Variants in EGFLAM observed in about 807,000 individuals in gnomAD.
EGFLAM encodes EGF like, fibronectin type III and laminin G domains, also known as pikachurin.
In EGFLAM, 79 loss-of-function variants were observed where a neutral mutation model predicts 113.1. The ratio of observed to expected loss-of-function variants is 0.70; its 90% CI spans 0.58 to 0.84. The LOEUF (loss-of-function observed/expected upper bound fraction) is 0.84, where lower values mean the gene tolerates loss of function less well. Among genes scored for constraint, EGFLAM ranks in the 40% least tolerant of loss-of-function variants. The pLI, the probability that EGFLAM is intolerant of heterozygous loss-of-function variation, is 0.00. For missense variants in EGFLAM, 1,265 were observed against 1,291.6 expected, an observed-to-expected ratio of 0.98 and a Z score of 0.32; for synonymous variants, 504 against 487.6, an observed-to-expected ratio of 1.03 and a Z score of -0.44.
At chr5:38,416,323 G>A (rs1158498014) in intron 11 of EGFLAM, among the ~76,000 whole-genome samples, 2 of 152,320 alleles carry the variant, frequency 1.3e-5, no homozygotes, top group African/African-American at 2.4e-5. Flanking sequence ...AGACGGACAG[G>A]GAAGAAGAGG....
chr5:38,399,277 G>GTTTTTTTTTTTTTT (rs797021726), intron 6 of EGFLAM, among the ~76,000 whole-genome samples: 6 of 118,482 alleles, frequency 5.1e-5, no homozygotes, highest in Non-Finnish European at 7.0e-5. Context: ...TTTTGTTTTC[G>GTTTTTTTTTTTTTT]TTTTTTTTTT....
chr5:38,410,490 C>A (rs1741443168), intron 10 of EGFLAM, among the ~76,000 whole-genome samples: 2 of 152,132 alleles, frequency 1.3e-5, no homozygotes, highest in Admixed American at 6.5e-5. Flanking sequence ...CTGAGGATCT[C>A]GAGACAAAGG....
chr5:38,426,008 C>G lies in EGFLAM; in HGVS notation c.1810+916C>G, dbSNP rs370264848. On this transcript the variant is annotated intron_variant, in intron 13 of 21. Transcript: ENST00000322350. ...ATCCCAGCTACTCGGGAGGCTGAGGCAGGAGAATTGCTTGAACCCAGGAGG... is the reference window on the plus strand; with the variant it reads ...ATCCCAGCTACTCGGGAGGCTGAGGGAGGAGAATTGCTTGAACCCAGGAGG... 2.0e-5 allele frequency among the ~76,000 whole-genome samples: 3 copies of G among 151,498 alleles called. No individual in the cohort carries two copies. The East Asian group carries it at 5.8e-4, about 29-fold the overall frequency.
intron 19 of EGFLAM, among the ~76,000 whole-genome samples, chr5:38,457,527 G>C (rs1743129763): frequency 6.6e-6 from 1 of 152,062 alleles, no homozygotes; most frequent in African/African-American, 2.4e-5. Flanking sequence ...TGTGTCTCTG[G>C]CTCCATGTCC....
intron 6 of EGFLAM, among the ~76,000 whole-genome samples, chr5:38,388,351 G>T (rs1383702033): frequency 6.6e-6 from 1 of 152,132 alleles, no homozygotes; most frequent in African/African-American, 2.4e-5. Flanking sequence ...CAGGTGTGGT[G>T]GCTCACACCT....
chr5:38,341,748 G>A (rs934583843), intron 3 of EGFLAM, among the ~76,000 whole-genome samples: 1 of 152,174 alleles, frequency 6.6e-6, no homozygotes, highest in African/African-American at 2.4e-5. Flanking sequence ...AAATGAAGAT[G>A]TGAGTTATAA....
intron 19 of EGFLAM, among the ~76,000 whole-genome samples, chr5:38,452,351 A>G (rs1382914550): frequency 6.6e-6 from 1 of 152,056 alleles, no homozygotes; most frequent in Non-Finnish European, 1.5e-5. Flanking sequence ...TCATTTATAT[A>G]TTGCCTGTGG....
chr5:38,360,103 T>A (rs1464422014), intron 5 of EGFLAM, among the ~76,000 whole-genome samples: 1 of 152,220 alleles, frequency 6.6e-6, no homozygotes, highest in African/African-American at 2.4e-5. Flanking sequence ...GGAACTTAAT[T>A]AGTTTCCTCA....
chr5:38,424,920 C>A, intron 12 of EGFLAM, 47 bp from the exon 13 acceptor site: 1 of 1,605,320 alleles, frequency 6.2e-7, no homozygotes, highest in East Asian at 2.2e-5. Flanking sequence ...CTGTGTTGGA[C>A]TGGCACACAT....
At chr5:38,448,194 G>C (rs1300436544) in intron 17 of EGFLAM, 107 bp from the exon 18 acceptor site, 2 of 1,232,232 alleles carry the variant, frequency 1.6e-6, no homozygotes, top group African/African-American at 1.5e-5. Context: ...CTGATGAATT[G>C]TTAAACATCC....
chr5:38,273,115 G>T (rs1277716726), intron 1 of EGFLAM, among the ~76,000 whole-genome samples: 1 of 152,104 alleles, frequency 6.6e-6, no homozygotes, highest in Non-Finnish European at 1.5e-5. Context: ...AGGTAGGAAG[G>T]ATAGTTATAC....
intron 6 of EGFLAM, chr5:38,399,872 C>T (rs1434184410): frequency 6.6e-6 from 1 of 152,220 alleles, no homozygotes; most frequent in Non-Finnish European, 1.5e-5. Context: ...TACAGGAGAA[C>T]ACAATGCTAC....
At chr5:38,260,124 T>A (rs559973396) in intron 1 of EGFLAM, among the ~76,000 whole-genome samples, 1 of 152,322 alleles carries the variant, frequency 6.6e-6, no homozygotes, top group South Asian at 2.1e-4. Context: ...ATAGCTTCAG[T>A]CCAAGGTAAT....
chr5:38,316,286 G>A (rs552948889), intron 1 of EGFLAM, among the ~76,000 whole-genome samples: 5 of 152,168 alleles, frequency 3.3e-5, no homozygotes, highest in South Asian at 2.1e-4. Flanking sequence ...TCTTTGGAGT[G>A]TGATTCTTCA....
In EGFLAM at chr5:38,349,037, A is replaced by G. The variant is rs188785658; in HGVS notation, c.292-1464A>G. On this transcript the variant is annotated intron_variant, in intron 3 of 21. Coordinates refer to ENST00000322350, the MANE Select transcript of EGFLAM (RefSeq NM_152403.4). ...TCTAATGTGTAATCAGGGTTTGAGA[A>G]CTACTGTATTAAGTATTCATTAATT... 8.8e-4 allele frequency among the ~76,000 whole-genome samples: 134 copies of G among 152,282 alleles called. No homozygotes were observed. In the Middle Eastern group the frequency reaches 0.01, roughly 12 times the overall value.
At chr5:38,456,668 T>C (rs1298842050) in intron 19 of EGFLAM, among the ~76,000 whole-genome samples, 3 of 152,228 alleles carry the variant, frequency 2.0e-5, no homozygotes, top group East Asian at 1.9e-4. Flanking sequence ...GAATGATCTA[T>C]GGTGCTTTCT....
intron 1 of EGFLAM, among the ~76,000 whole-genome samples, chr5:38,266,611 A>G (rs1237256448): frequency 6.6e-6 from 1 of 152,198 alleles, no homozygotes; most frequent in Non-Finnish European, 1.5e-5. Flanking sequence ...GTTACATGTG[A>G]TGTAACTTGT....
intron 1 of EGFLAM, among the ~76,000 whole-genome samples, chr5:38,299,924 A>G (rs1758536516): frequency 1.3e-5 from 2 of 152,200 alleles, no homozygotes; most frequent in South Asian, 2.1e-4. Flanking sequence ...ATGAACAAAA[A>G]CAGACTCTGT....
chr5:38,393,215 G>A (rs1181401210), intron 6 of EGFLAM, among the ~76,000 whole-genome samples: 1 of 152,134 alleles, frequency 6.6e-6, no homozygotes, highest in African/African-American at 2.4e-5. Context: ...TTATGATATA[G>A]AATCATTGAT....
Sources: gnomAD v4.1 joint callset for allele counts (sites outside exome capture counted in the v4.1 genomes callset) on GRCh38, gnomAD v4.1.1 for gene constraint, MANE v1.5 for transcripts, NCBI Gene and HGNC (gene_info 2026-07-23, HGNC 2026-07-21) for gene names.